RFFL: variants seen among roughly 807,000 people sequenced by gnomAD.
The protein encoded by RFFL is ring finger and FYVE like domain containing E3 ubiquitin protein ligase, also known as E3 ubiquitin-protein ligase rififylin.
A neutral mutation model predicts 40.4 loss-of-function variants in RFFL; 16 were observed. The ratio of observed to expected loss-of-function variants is 0.40; its 90% CI spans 0.27 to 0.60. The LOEUF (loss-of-function observed/expected upper bound fraction) is 0.60. Ranked by LOEUF, RFFL falls within the 20% of genes least tolerant of loss-of-function variation. The pLI, the probability that RFFL is intolerant of heterozygous loss-of-function variation, is 0.47. For synonymous variants in RFFL, 154 were observed against 167.9 expected (o/e 0.92, Z 0.64); for missense variants, 367 against 451.7 (o/e 0.81, Z 1.70).
In RFFL at chr17:35,086,907, G is replaced by C. The variant is rs571099124; in HGVS notation, c.-9+2198C>G. 2.0e-5 allele frequency among the ~76,000 whole-genome samples: 3 copies of C among 152,328 alleles called. No individual in the cohort carries two copies. In the South Asian group the frequency reaches 6.2e-4, roughly 32 times the overall value. On this transcript the variant is annotated intron_variant, in intron 1 of 6. Transcript: ENST00000315249. ...TCTTAGGTTTACAGAGGTGTTCTCA[G>C]AAAGTCTTAGGCATGACGCTCATAG...
intron 1 of RFFL, among the ~76,000 whole-genome samples, chr17:35,071,620 C>CAAAAA (rs879638343): frequency 7.5e-6 from 1 of 132,936 alleles, no homozygotes. Flanking sequence ...AGACACTGTC[C>CAAAAA]AAAAAAAAAA....
At position 35,008,138 on chromosome 17, in the gene RFFL, T is replaced by C. The variant is rs2090908699; in HGVS notation, c.*3830A>G. 1 of 152,272 alleles carries C rather than the reference T, an allele frequency of 6.6e-6. No individual in the cohort carries two copies. The allele number at this position is 152,272 out of a possible 1,614,324, so 9.4% of individuals were successfully genotyped here. On this transcript the variant is annotated 3_prime_UTR_variant, in exon 7 of 7. Coordinates refer to ENST00000394597, the MANE Select transcript of RFFL (RefSeq NM_001017368.2). ...GGTAACCTGAAGACCTAACTGGGCA[T>C]ACTAACTGTCCTCAGATTTCAGTTC...
intron 2 of RFFL, among the ~76,000 whole-genome samples, chr17:35,023,813 C>A (rs1351447711): frequency 6.6e-6 from 1 of 152,202 alleles, no homozygotes; most frequent in African/African-American, 2.4e-5. Context: ...AGAATGCAGA[C>A]AACAACCTAG....
chr17:35,039,890 G>A (rs536831703), intron 1 of RFFL, among the ~76,000 whole-genome samples: 1 of 151,246 alleles, frequency 6.6e-6, no homozygotes, highest in East Asian at 2.0e-4. Flanking sequence ...GGTCAGACTG[G>A]TCTCAAACAC....
At chr17:35,031,059 T>C (rs1347469237) in intron 1 of RFFL, among the ~76,000 whole-genome samples, 1 of 152,050 alleles carries the variant, frequency 6.6e-6, no homozygotes, top group Non-Finnish European at 1.5e-5. Context: ...ACAATTACCA[T>C]CTGGCTTTCT....
upstream of RFFL, among the ~76,000 whole-genome samples, chr17:35,065,048 A>C (rs747582022): frequency 4.6e-5 from 7 of 152,088 alleles, no homozygotes; most frequent in Non-Finnish European, 1.0e-4. Flanking sequence ...CCTATAGTAC[A>C]TGTTAATTAG....
chr17:35,056,316 G>A (rs1470259356), intron 1 of RFFL, among the ~76,000 whole-genome samples: 1 of 151,444 alleles, frequency 6.6e-6, no homozygotes, highest in African/African-American at 2.4e-5. Context: ...ATAGGCCCTA[G>A]GGTTCTGTAC....
At chr17:35,086,254 G>A (rs2091428506) in intron 1 of RFFL, among the ~76,000 whole-genome samples, 1 of 152,098 alleles carries the variant, frequency 6.6e-6, no homozygotes. Context: ...GGAGGCCGAG[G>A]CCAGAGGATC....
intron 1 of RFFL, among the ~76,000 whole-genome samples, chr17:35,062,157 C>A (rs1010131800): frequency 2.6e-5 from 4 of 151,794 alleles, no homozygotes; most frequent in Non-Finnish European, 5.9e-5. Flanking sequence ...GTAAACCCAG[C>A]ACTTTGGGAG....
intron 1 of RFFL, among the ~76,000 whole-genome samples, chr17:35,078,165 T>A (rs759645805): frequency 1.3e-4 from 20 of 152,194 alleles, no homozygotes; most frequent in Non-Finnish European, 1.9e-4. Context: ...CTTTATTTTT[T>A]ACAAGCACCT....
At chr17:35,052,342 T>G (rs2091236317) in intron 1 of RFFL, among the ~76,000 whole-genome samples, 1 of 152,228 alleles carries the variant, frequency 6.6e-6, no homozygotes, top group Non-Finnish European at 1.5e-5. Context: ...TGGTCTTTTA[T>G]TAAGATGTTA....
In RFFL at chr17:35,012,267, T is replaced by C. The variant is rs567943627; in HGVS notation, c.911-118A>G. On this transcript the variant is annotated intron_variant, in intron 6 of 6. Coordinates refer to ENST00000394597, the MANE Select transcript of RFFL (RefSeq NM_001017368.2). Reference sequence around the variant, plus strand: ...TAACAGGTACATTGTAAACAAAGTCTCAGTGCACATGCTTCCCTCAAATAG... The same window carrying C: ...TAACAGGTACATTGTAAACAAAGTCCCAGTGCACATGCTTCCCTCAAATAG... The C allele has an allele frequency of 3.8e-6, 3 of 781,692 alleles. No homozygotes were observed. The African/African-American group carries it at 5.3e-5, about 14-fold the overall frequency. 48.4% of individuals were successfully genotyped at this position (781,692 alleles called of 1,614,324 possible). A position where few individuals can be genotyped will look rare whatever the true frequency, so the allele number is the denominator to read the frequency against.
chr17:35,083,497 C>T (rs904565548), intron 1 of RFFL, among the ~76,000 whole-genome samples: 2 of 152,004 alleles, frequency 1.3e-5, no homozygotes, highest in African/African-American at 2.4e-5. Flanking sequence ...AAAAGAAAAG[C>T]GGGTCAGGCA....
intron 2 of RFFL, 57 bp downstream of exon 2, chr17:35,026,317 G>A (rs1403634760): frequency 1.3e-5 from 20 of 1,553,412 alleles, no homozygotes; most frequent in South Asian, 4.6e-5. Context: ...GGTCAGTGGC[G>A]CTTGCCCATG....
chr17:35,045,918 C>T (rs2091197249), intron 1 of RFFL, among the ~76,000 whole-genome samples: 1 of 150,946 alleles, frequency 6.6e-6, no homozygotes, highest in Admixed American at 6.6e-5. Flanking sequence ...CCCAGCTACT[C>T]GGGAGGCTGA....
intron 2 of RFFL, among the ~76,000 whole-genome samples, chr17:35,023,146 C>T (rs1014437344): frequency 6.6e-6 from 1 of 152,212 alleles, no homozygotes; most frequent in Non-Finnish European, 1.5e-5. Flanking sequence ...AAAAACTTTT[C>T]ATCCTGTGTT....
At chr17:35,078,082 T>C (rs1413376573) in intron 1 of RFFL, among the ~76,000 whole-genome samples, 1 of 152,178 alleles carries the variant, frequency 6.6e-6, no homozygotes, top group Non-Finnish European at 1.5e-5. Flanking sequence ...GGTCTACAGA[T>C]AAACTACATC....
In RFFL at chr17:35,012,131, C is replaced by G; in HGVS notation, c.929G>C (p.Gly310Ala). The change falls in exon 7 of 7, where the codon GGC becomes GCC. Residue 310 changes from glycine to alanine, a missense_variant. Transcript: ENST00000394597. ...EDQNGGAVPS[G>A]LEENLCKICM... ...GATCTTACACAGGTTCTCCTCCAAG[C>G]CTGATGGTACTGCTCCCCCTGTACA... is the stretch of plus-strand genomic sequence containing the variant. 1 of 1,613,992 alleles carries G rather than the reference C, an allele frequency of 6.2e-7. No individual in the cohort carries two copies. Among genetic ancestry groups the G allele is most frequent in the Non-Finnish European group, 8.5e-7 (1 of 1,179,938 alleles).
At chr17:35,042,919 C>A (rs896970922) in intron 1 of RFFL, among the ~76,000 whole-genome samples, 2 of 151,816 alleles carry the variant, frequency 1.3e-5, no homozygotes, top group African/African-American at 4.8e-5. Context: ...AATCCAAGGC[C>A]TGAATTAGGA....
Sources: allele counts gnomAD v4.1 joint callset (sites outside exome capture counted in the v4.1 genomes callset), GRCh38; gene constraint gnomAD v4.1.1; transcripts MANE v1.5; gene names NCBI Gene and HGNC (gene_info 2026-07-23, HGNC 2026-07-21).